The following MON2 variants were observed in gnomAD, a reference collection of about 807,000 sequenced individuals.
MON2 encodes the protein MON2 regulator of endosome-to-Golgi trafficking, also known as protein MON2 homolog.
A neutral mutation model predicts 208.6 loss-of-function variants in MON2; 84 were observed. The ratio of observed to expected loss-of-function variants is 0.40; its 90% CI spans 0.34 to 0.48. The LOEUF is 0.48. MON2 is among the 20% of genes least tolerant of loss of function. MON2 has a pLI of 0.59. For missense variants in MON2, 1,611 were observed against 2,015.4 expected (o/e 0.80, Z 3.84); for synonymous variants, 660 against 694.0 (o/e 0.95, Z 0.77).
At chr12:62,563,082 A>G (rs2074256845) in intron 26 of MON2, among the ~76,000 whole-genome samples, 1 of 152,136 alleles carries the variant, frequency 6.6e-6, no homozygotes, top group African/African-American at 2.4e-5. Flanking sequence ...ATCTGCATTA[A>G]TCACCGGGGC....
intron 9 of MON2, 63 bp from the exon 10 acceptor site, chr12:62,525,021 A>C: frequency 1.5e-6 from 2 of 1,375,830 alleles, no homozygotes. Context: ...TTGCTATAAA[A>C]AGGTTTACAG....
At chr12:62,534,542 A>AAAAAAAATAT (rs1555169522) in intron 12 of MON2, among the ~76,000 whole-genome samples, 1 of 22,850 alleles carries the variant, frequency 4.4e-5, no homozygotes, top group African/African-American at 2.0e-4. Flanking sequence ...AAAAAAAAAA[A>AAAAAAAATAT]ATATATATAT....
intron 1 of MON2, among the ~76,000 whole-genome samples, chr12:62,478,082 C>A (rs11174501): frequency 0.037 from 5,683 of 151,996 alleles, 173 homozygotes; most frequent in Non-Finnish European, 0.056. Flanking sequence ...TCTCTCTCCC[C>A]TTTTTAAGTG....
At chr12:62,577,727 C>T (rs966747551) in intron 30 of MON2, among the ~76,000 whole-genome samples, 5 of 152,098 alleles carry the variant, frequency 3.3e-5, no homozygotes, top group South Asian at 2.1e-4. Flanking sequence ...ACAAATAAAG[C>T]TCATAGTACT....
intron 1 of MON2, chr12:62,470,637 A>C (rs12427111): frequency 0.13 from 90,487 of 713,166 alleles, 7,316 homozygotes; most frequent in African/African-American, 0.3. Flanking sequence ...GAGGAAGACA[A>C]CTCTGAAGCT....
chr12:62,549,194 GC>G (rs2073631560), intron 22 of MON2, among the ~76,000 whole-genome samples: 1 of 151,950 alleles, frequency 6.6e-6, no homozygotes, highest in African/African-American at 2.4e-5. Flanking sequence ...GTTTAAGTAA[GC>G]ATGTCTTTTT....
intron 7 of MON2, among the ~76,000 whole-genome samples, chr12:62,502,407 T>TA (rs549207731): frequency 0.1 from 13,504 of 135,336 alleles, 668 homozygotes; most frequent in Non-Finnish European, 0.13. Context: ...TTTCTTAAAT[T>TA]AAAAAAAAAA....
rs532555342 is a variant in MON2 at position 62,596,549 on chromosome 12, T to G, written c.*3800T>G. 34 of 152,342 alleles carry G rather than the reference T, an allele frequency of 2.2e-4. No homozygotes were observed. Among genetic ancestry groups the G allele is most frequent in the African/African-American group, 7.2e-4 (30 of 41,586 alleles). 9.4% of individuals were successfully genotyped at this position (152,342 alleles called of 1,614,324 possible). A position where few individuals can be genotyped will look rare whatever the true frequency, so the allele number is the denominator to read the frequency against. ...GGCATTTTGGCAGATAAGCTAATCT[T>G]GTATAAAGCATCACATTTTACTATG... On this transcript the variant is annotated 3_prime_UTR_variant, in exon 35 of 35. Coordinates refer to ENST00000393630, the MANE Select transcript of MON2 (RefSeq NM_015026.3).
At chr12:62,581,784 C>T (rs946037995) in intron 32 of MON2, among the ~76,000 whole-genome samples, 64 of 152,060 alleles carry the variant, frequency 4.2e-4, no homozygotes, top group Admixed American at 4.6e-4. Context: ...GAGCCAGGAT[C>T]ACACTACTGC....
intron 32 of MON2, among the ~76,000 whole-genome samples, chr12:62,584,257 G>A (rs2136474210): frequency 6.6e-6 from 1 of 152,236 alleles, no homozygotes. Flanking sequence ...AAGTTCTCTG[G>A]TAATGCTGAT....
chr12:62,520,938 T>C (rs2072002373), intron 8 of MON2, among the ~76,000 whole-genome samples: 1 of 149,874 alleles, frequency 6.7e-6, no homozygotes, highest in Non-Finnish European at 1.5e-5. Context: ...ATGGGTCAGA[T>C]TTAACAAAAT....
chr12:62,546,774 C>A, intron 21 of MON2, 123 bp from the exon 22 acceptor site: 1 of 723,064 alleles, frequency 1.4e-6, no homozygotes, highest in Non-Finnish European at 2.1e-6. Flanking sequence ...ATAAATAAAA[C>A]ATAAAAATAT....
chr12:62,556,382 A>G (rs1342820763), intron 25 of MON2, among the ~76,000 whole-genome samples, 190 bp downstream of exon 25: 5 of 152,188 alleles, frequency 3.3e-5, no homozygotes, highest in African/African-American at 1.2e-4. Flanking sequence ...GGCAAAATAC[A>G]CGTCATTCTT....
intron 8 of MON2, 107 bp from the exon 9 acceptor site, chr12:62,524,408 A>G (rs1205239660): frequency 2.4e-6 from 2 of 841,050 alleles, no homozygotes; most frequent in East Asian, 2.7e-5. Context: ...TTTCTAATCT[A>G]AAAGATTTTA....
At chr12:62,560,410 A>G in intron 25 of MON2, 81 bp from the exon 26 acceptor site, 1 of 1,376,490 alleles carries the variant, frequency 7.3e-7, no homozygotes, top group Non-Finnish European at 9.8e-7. Context: ...AAATTAAGCA[A>G]ATATGCTTTC....
At chr12:62,555,848 G>A in intron 24 of MON2, 146 bp from the exon 25 acceptor site, 1 of 602,558 alleles carries the variant, frequency 1.7e-6, no homozygotes, top group South Asian at 2.2e-5. Context: ...TACTCTATTG[G>A]TCAGTTTCCT....
chr12:62,571,098 C>G (rs1366503748), intron 29 of MON2, among the ~76,000 whole-genome samples: 1 of 152,020 alleles, frequency 6.6e-6, no homozygotes, highest in African/African-American at 2.4e-5. Flanking sequence ...CTTAACTTTT[C>G]AGATAATATC....
At chr12:62,555,875 G>GATA in intron 24 of MON2, 119 bp from the exon 25 acceptor site, 1 of 688,314 alleles carries the variant, frequency 1.5e-6, no homozygotes, top group Non-Finnish European at 2.4e-6. Flanking sequence ...TATAGGGATT[G>GATA]ATAAGACTGT....
chr12:62,557,441 C>T (rs988339439), intron 25 of MON2, among the ~76,000 whole-genome samples: 1 of 152,130 alleles, frequency 6.6e-6, no homozygotes, highest in Non-Finnish European at 1.5e-5. Flanking sequence ...AATGCAGCCT[C>T]CTATAACAAA....
Sources: gnomAD v4.1 joint callset for allele counts (sites outside exome capture counted in the v4.1 genomes callset) on GRCh38, gnomAD v4.1.1 for gene constraint, MANE v1.5 for transcripts, NCBI Gene and HGNC (gene_info 2026-07-23, HGNC 2026-07-21) for gene names.